Variants in STAT5B observed in about 807,000 individuals in gnomAD.
STAT5B encodes the protein signal transducer and activator of transcription 5B.
STAT5B carries 21 observed loss-of-function variants against 107.8 expected under a neutral mutation model. The ratio of observed to expected loss-of-function variants is 0.19; its 90% confidence interval spans 0.14 to 0.28. The LOEUF (loss-of-function observed/expected upper bound fraction) is 0.28. Ranked by LOEUF, STAT5B falls within the 10% of genes least tolerant of loss-of-function variation. STAT5B has a pLI of 1.00. For synonymous variants in STAT5B, 325 were observed against 401.7 expected (o/e 0.81, Z 2.28); for missense variants, 565 against 1,008.2 (o/e 0.56, Z 5.95).
chr17:42,218,697 G>C, intron 8 of STAT5B, 26 bp downstream of exon 8: 1 of 1,612,246 alleles, frequency 6.2e-7, no homozygotes, highest in Non-Finnish European at 8.5e-7. Flanking sequence ...CCAAGCTCCT[G>C]GGCATGGCAA....
Position 42,218,183 on chromosome 17 carries a change from G to C in STAT5B, c.1137C>G (p.Ala379=). ...TGTTCTCGTTCTTGAGCAGAGACTTGGCCTGCTGCTCACTGATGATGGTGG... is the reference window on the plus strand; with the variant it reads ...TGTTCTCGTTCTTGAGCAGAGACTTCGCCTGCTGCTCACTGATGATGGTGG... ...VKATIISEQQ[A]KSLLKNENTR... is the part of the protein sequence containing the mutation. The change falls in exon 9 of 19, where the codon GCC becomes GCG. Residue 379 remains alanine (A), a synonymous_variant. Transcript: ENST00000293328. The C allele has an allele frequency of 6.2e-7, 1 of 1,614,174 alleles. No homozygotes were observed. The highest frequency in any genetic ancestry group is 1.7e-5 in the Admixed American group (1 of 60,012).
intron 6 of STAT5B, 39 bp downstream of exon 6, chr17:42,219,673 T>C: frequency 6.3e-7 from 1 of 1,582,154 alleles, no homozygotes; most frequent in Non-Finnish European, 8.6e-7. Context: ...ACTGACTTCA[T>C]GGCACCCACG....
In STAT5B at chr17:42,276,379, G is replaced by A. The variant is rs903923995; in HGVS notation, c.-142C>T. On this transcript the variant is annotated 5_prime_UTR_variant, in exon 1 of 19. Coordinates refer to ENST00000293328, the MANE Select transcript of STAT5B (RefSeq NM_012448.4). This position sits in a 1 kb window ranked among gnomAD's most constrained non-coding sequence, Gnocchi z 4.8. ...GCGCTGGGTCCCCGCCCGGGGTGAC[G>A]GCTCCGGCCGCCGACTCTCCTCCCG... 3 of 147,004 alleles carry A rather than the reference G, an allele frequency of 2.0e-5. No individual in the cohort carries two copies. Among genetic ancestry groups the A allele is most frequent in the African/African-American group, 7.3e-5 (3 of 40,900 alleles). 9.1% of individuals were successfully genotyped at this position (147,004 alleles called of 1,614,324 possible). A position where few individuals can be genotyped will look rare whatever the true frequency, so the allele number is the denominator to read the frequency against.
At chr17:42,281,568 G>A (rs2080795829), upstream of STAT5B, among the ~76,000 whole-genome samples, 1 of 152,202 alleles carries the variant, frequency 6.6e-6, no homozygotes, top group South Asian at 2.1e-4. Flanking sequence ...CCTAATCCCA[G>A]CCAGTGTGCT....
intron 2 of STAT5B, among the ~76,000 whole-genome samples, chr17:42,228,144 CT>C (rs2080289487): frequency 6.6e-6 from 1 of 152,164 alleles, no homozygotes; most frequent in African/African-American, 2.4e-5. Context: ...CTGTGGGTTT[CT>C]TAGGTAGAGA....
intron 1 of STAT5B, among the ~76,000 whole-genome samples, chr17:42,247,088 G>A (rs1003690897): frequency 6.6e-6 from 1 of 152,178 alleles, no homozygotes. Context: ...CAGGAAAGTG[G>A]AACAGATCAG....
chr17:42,216,439 T>G (rs905002233), intron 11 of STAT5B, among the ~76,000 whole-genome samples: 1 of 152,214 alleles, frequency 6.6e-6, no homozygotes, highest in Non-Finnish European at 1.5e-5. Flanking sequence ...ACCACAACCT[T>G]TACTCAAATT....
At chr17:42,210,600 C>T (rs766608698) in intron 13 of STAT5B, 103 bp from the exon 14 acceptor site, 13 of 1,072,856 alleles carry the variant, frequency 1.2e-5, no homozygotes, top group Non-Finnish European at 1.7e-5. Context: ...AACATCTACC[C>T]TTGTCAGAGG....
intron 3 of STAT5B, 139 bp downstream of exon 3, chr17:42,227,390 A>G (rs981957421): frequency 1.6e-6 from 2 of 1,269,190 alleles, no homozygotes; most frequent in African/African-American, 3.0e-5. Context: ...AAAAAAAAAA[A>G]AAAGACCAAA....
At position 42,199,885 on chromosome 17, in the gene STAT5B, G is replaced by A. The variant is rs1268679870; in HGVS notation, c.*1853C>T. The A allele has an allele frequency of 6.6e-6, 1 of 152,398 alleles. No homozygotes were observed. Among genetic ancestry groups the A allele is most frequent in the East Asian group, 1.9e-4 (1 of 5,324 alleles). The allele number at this position is 152,398 out of a possible 1,614,324, so 9.4% of individuals were successfully genotyped here. A position where few individuals can be genotyped will look rare whatever the true frequency, so the allele number is the denominator to read the frequency against. ...GAGCGAGGTCTCAGAGGCAGGTGCT[G>A]GTGAAGCATCTCTGGGAGACGGGCA... On this transcript the variant is annotated 3_prime_UTR_variant, in exon 19 of 19. Coordinates refer to ENST00000293328, the MANE Select transcript of STAT5B (RefSeq NM_012448.4).
chr17:42,218,216 C>G lies in STAT5B; in HGVS notation c.1104G>C (p.Gln368His). ...GKLNVHMNPP[Q>H]VKATIISEQQ... Reference sequence around the variant, plus strand: ...GCTCACTGATGATGGTGGCCTTCACCTGGGGGGGGTTCATGTGCACGTTCA... The same window carrying G: ...GCTCACTGATGATGGTGGCCTTCACGTGGGGGGGGTTCATGTGCACGTTCA... Residue 368 changes from glutamine (Q) to histidine (H), a missense_variant, in exon 9 of 19, where the codon CAG (glutamine) becomes CAC (histidine). Gln to His is a conservative substitution (Grantham distance 24). Transcript: ENST00000293328. 2 of 1,614,138 alleles carry G rather than the reference C, an allele frequency of 1.2e-6. No individual in the cohort carries two copies. Among genetic ancestry groups the G allele is most frequent in the Non-Finnish European group, 1.7e-6 (2 of 1,180,034 alleles).
intron 12 of STAT5B, among the ~76,000 whole-genome samples, chr17:42,212,957 C>CA (rs775886785): frequency 6.6e-6 from 1 of 152,206 alleles, no homozygotes; most frequent in Non-Finnish European, 1.5e-5. Flanking sequence ...TGCATGCCAG[C>CA]AATGACATAT....
At chr17:42,211,938 G>A in intron 13 of STAT5B, 46 bp downstream of exon 13, 1 of 1,571,758 alleles carries the variant, frequency 6.4e-7, no homozygotes, top group Non-Finnish European at 8.6e-7. Flanking sequence ...AGAGCATCTG[G>A]TTGGGAAGGA....
intron 1 of STAT5B, among the ~76,000 whole-genome samples, chr17:42,268,222 T>C (rs1300513668): frequency 6.6e-6 from 1 of 152,182 alleles, no homozygotes; most frequent in African/African-American, 2.4e-5. Context: ...TTTTTTATCC[T>C]TTATGCCATG....
At chr17:42,214,193 T>C (rs2080152841) in intron 12 of STAT5B, 1 of 983,078 alleles carries the variant, frequency 1.0e-6, no homozygotes. Context: ...GTCATTAACA[T>C]AGCTGAGAAT....
rs1242650039 is a variant in STAT5B at position 42,276,385 on chromosome 17, G to GGCCGCCGACTCTCCTCCC, written c.-149_-148insGGGAGGAGAGTCGGCGGC. The GGCCGCCGACTCTCCTCCC allele has an allele frequency of 1.4e-5, 2 of 146,890 alleles. No individual in the cohort carries two copies. Among genetic ancestry groups the GGCCGCCGACTCTCCTCCC allele is most frequent in the Non-Finnish European group, 3.0e-5 (2 of 66,012 alleles). The allele number at this position is 146,890 out of a possible 1,614,324, so 9.1% of individuals were successfully genotyped here. On this transcript the variant is annotated 5_prime_UTR_variant, in exon 1 of 19. Transcript: ENST00000293328. This position sits in a 1 kb window ranked among gnomAD's most constrained non-coding sequence, Gnocchi z 4.8. ...GGTCCCCGCCCGGGGTGACGGCTCC[G>GGCCGCCGACTCTCCTCCC]GCCGCCGACTCTCCTCCCGCCGGGG... is the stretch of plus-strand genomic sequence containing the variant.
At chr17:42,261,965 G>A (rs560729654) in intron 1 of STAT5B, among the ~76,000 whole-genome samples, 1 of 152,088 alleles carries the variant, frequency 6.6e-6, no homozygotes, top group South Asian at 2.1e-4. Flanking sequence ...CTCCCAAAGT[G>A]CTAGGATTAC....
chr17:42,253,587 T>C (rs753815237), intron 1 of STAT5B, among the ~76,000 whole-genome samples: 88 of 152,234 alleles, frequency 5.8e-4, no homozygotes, highest in Admixed American at 1.1e-3. Flanking sequence ...CCTAACATCC[T>C]GAAAGTCAGA....
At chr17:42,206,459 C>T (rs764954488) in intron 16 of STAT5B, among the ~76,000 whole-genome samples, 3 of 152,028 alleles carry the variant, frequency 2.0e-5, no homozygotes, top group South Asian at 2.1e-4. Context: ...GTTCAAGCAA[C>T]GGGTGATGCA....
Sources: allele counts gnomAD v4.1 joint callset (sites outside exome capture counted in the v4.1 genomes callset), GRCh38; gene constraint gnomAD v4.1.1; non-coding constraint Gnocchi (gnomAD v3.1); transcripts MANE v1.5; gene names NCBI Gene and HGNC (gene_info 2026-07-23, HGNC 2026-07-21).